CCDC141: variants seen among roughly 807,000 people sequenced by gnomAD.
The protein encoded by CCDC141 is coiled-coil domain containing 141.
In CCDC141, 168 loss-of-function variants were observed where a neutral mutation model predicts 181.0. That is an observed-to-expected ratio of 0.93 (90% CI 0.82 to 1.05). The LOEUF (loss-of-function observed/expected upper bound fraction) is 1.05. Ranked by LOEUF, CCDC141 falls within the 50% of genes least tolerant of loss-of-function variation. The pLI is 0.00. For missense variants in CCDC141, 1,902 were observed against 1,788.5 expected, an observed-to-expected ratio of 1.06 and a Z score of -1.14; for synonymous variants, 666 against 642.3, an observed-to-expected ratio of 1.04 and a Z score of -0.56.
At chr2:178,986,698 G>T (rs1691761891) in intron 2 of CCDC141, among the ~76,000 whole-genome samples, 1 of 151,960 alleles carries the variant, frequency 6.6e-6, no homozygotes, top group Middle Eastern at 3.4e-3. Flanking sequence ...GCCAAATCAT[G>T]AGTGAACTCC....
chr2:178,945,220 G>A (rs1440056602), intron 5 of CCDC141, among the ~76,000 whole-genome samples: 2 of 152,122 alleles, frequency 1.3e-5, no homozygotes, highest in African/African-American at 4.8e-5. Flanking sequence ...CAAAGGACTT[G>A]AAATAATCTG....
In CCDC141 at chr2:178,885,000, A is replaced by G. The variant is rs1427083566; in HGVS notation, c.1620T>C (p.Ala540=). 3 of 1,550,342 alleles carry G rather than the reference A, an allele frequency of 1.9e-6. No individual in the cohort carries two copies. Among genetic ancestry groups the G allele is most frequent in the African/African-American group, 2.7e-5 (2 of 73,038 alleles). ...SDEMVSLSSK[A]RWLAEELNLF... The stretch of plus-strand genomic sequence containing the variant: ...GGTTTAATTCTTCTGCTAGCCATCT[A>G]GCTTTAGAGGAAAGTGATACCATTT... The change falls in exon 11 of 24, where the codon GCT becomes GCC. Residue 540 remains alanine, a synonymous_variant. Coordinates refer to ENST00000443758, the MANE Select transcript of CCDC141 (RefSeq NM_173648.4).
At position 178,905,477 on chromosome 2, in the gene CCDC141, C is replaced by T; in HGVS notation, c.1117G>A (p.Glu373Lys). 3 of 1,549,520 alleles carry T rather than the reference C, an allele frequency of 1.9e-6. No individual in the cohort carries two copies. Among genetic ancestry groups the T allele is most frequent in the African/African-American group, 2.7e-5 (2 of 73,088 alleles). ...GATTTAAGGAGCTTAAGGTAAGCTT[C>T]AACTCTTCCAAGTACATCAAATGCC... ...NKAFDVLGRV[E>K]AYLKLLKSEG... Residue 373 changes from glutamate (E) to lysine (K), a missense_variant, in exon 8 of 24, where the codon GAA (glutamate) becomes AAA (lysine). Transcript: ENST00000443758.
Position 178,923,308 on chromosome 2 carries a change from T to G in CCDC141, c.898-4401A>C, listed in dbSNP as rs372464228. ...TTTAGTAGAGACGGGGTTTCACCAT[T>G]TTAGCCGGGATGGTCTCGATCTCCT... On this transcript the variant is annotated intron_variant, in intron 6 of 23. Transcript: ENST00000443758. Among the ~76,000 whole-genome samples, 115 of 151,696 alleles carry G rather than the reference T, an allele frequency of 7.6e-4. 1 individual carries two copies. Among genetic ancestry groups the G allele is most frequent in the African/African-American group, 2.5e-3 (102 of 41,344 alleles).
At chr2:178,822,158 C>CA in the CCDC141 span, among the ~76,000 whole-genome samples, 1 of 149,658 alleles carries the variant, frequency 6.7e-6, no homozygotes, top group Non-Finnish European at 1.5e-5. Context: ...ATCGCAAGGA[C>CA]AAAAAACCAA....
chr2:178,841,899 CT>C (rs1157536321), intron 22 of CCDC141, among the ~76,000 whole-genome samples: 6 of 152,202 alleles, frequency 3.9e-5, no homozygotes, highest in Non-Finnish European at 8.8e-5. Context: ...TCCCAAAGTG[CT>C]GGGGTTACAG....
intron 6 of CCDC141, among the ~76,000 whole-genome samples, chr2:178,923,522 C>G (rs1176810076): frequency 1.3e-5 from 2 of 152,202 alleles, no homozygotes; most frequent in Admixed American, 6.5e-5. Context: ...AAATCTCGTT[C>G]TGTTTTCTCT....
At position 179,030,144 on chromosome 2, in the gene CCDC141, G is replaced by A. The variant is rs770908049; in HGVS notation, c.225+17140C>T. ...CCCTTTGCTTGTTATTCAGAACTTA[G>A]GCTGTCATCTACAACCACAAATGAA... On this transcript the variant is annotated intron_variant, in intron 2 of 23. Transcript: ENST00000443758. 1.9e-4 allele frequency among the ~76,000 whole-genome samples: 29 copies of A among 151,844 alleles called. 1 individual carries two copies. Among genetic ancestry groups the A allele is most frequent in the Admixed American group, 1.3e-4 (2 of 15,234 alleles).
chr2:178,818,362 G>A, the CCDC141 span, among the ~76,000 whole-genome samples: 2 of 152,126 alleles, frequency 1.3e-5, no homozygotes, highest in Non-Finnish European at 2.9e-5. Context: ...GTGGTTTGCT[G>A]CACCTATTAA....
chr2:178,848,724 A>T (rs1685040991), intron 21 of CCDC141, among the ~76,000 whole-genome samples: 1 of 152,140 alleles, frequency 6.6e-6, no homozygotes, highest in Non-Finnish European at 1.5e-5. Context: ...GGAAGCACTG[A>T]TTTTCGGCCT....
chr2:179,016,244 G>A (rs2042538255), intron 2 of CCDC141, among the ~76,000 whole-genome samples: 2 of 151,806 alleles, frequency 1.3e-5, no homozygotes, highest in Admixed American at 6.6e-5. Context: ...ATGATGCGGT[G>A]TATACTGCTC....
rs139787310 is a variant in CCDC141, at chr2:178,946,609, C to A, written c.781-1958G>T. On this transcript the variant is annotated intron_variant, in intron 5 of 23. Coordinates refer to ENST00000443758, the MANE Select transcript of CCDC141 (RefSeq NM_173648.4). The stretch of plus-strand genomic sequence containing the variant: ...TGGGTACAAACAGGTGTTCTCTAAT[C>A]TCTAAAAACAGGTGAGAAGCCTGGA... Among the ~76,000 whole-genome samples, 285 of 152,248 alleles carry A rather than the reference C, an allele frequency of 1.9e-3. 2 individuals carry two copies. The highest frequency in any genetic ancestry group is 6.6e-3 in the African/African-American group (276 of 41,528).
intron 4 of CCDC141, among the ~76,000 whole-genome samples, chr2:178,970,926 A>G (rs1019426079): frequency 1.3e-5 from 2 of 152,192 alleles, no homozygotes; most frequent in African/African-American, 4.8e-5. Flanking sequence ...TTACAAGACA[A>G]AGGCCGGGCA....
intron 7 of CCDC141, among the ~76,000 whole-genome samples, chr2:178,906,750 T>C (rs1160760813): frequency 6.6e-6 from 1 of 151,984 alleles, no homozygotes; most frequent in East Asian, 1.9e-4. Flanking sequence ...TGAGAACAGG[T>C]GGGCTCATGA....
At chr2:178,967,256 C>T (rs1690680708) in intron 4 of CCDC141, among the ~76,000 whole-genome samples, 1 of 152,092 alleles carries the variant, frequency 6.6e-6, no homozygotes, top group Non-Finnish European at 1.5e-5. Flanking sequence ...CAGAGAACAC[C>T]ACAAAGATAT....
At chr2:179,017,402 G>T (rs747446470) in intron 2 of CCDC141, among the ~76,000 whole-genome samples, 8 of 152,064 alleles carry the variant, frequency 5.3e-5, no homozygotes, top group Non-Finnish European at 1.2e-4. Context: ...TCTGGGGTGG[G>T]TGATAGCCCT....
chr2:178,975,777 A>T (rs919918751), intron 3 of CCDC141, among the ~76,000 whole-genome samples: 4 of 152,192 alleles, frequency 2.6e-5, no homozygotes, highest in Non-Finnish European at 4.4e-5. Context: ...AAAAATACAC[A>T]CCAAATGGTG....
At chr2:178,980,399 G>A (rs1221036176) in intron 2 of CCDC141, among the ~76,000 whole-genome samples, 1 of 152,034 alleles carries the variant, frequency 6.6e-6, no homozygotes, top group Non-Finnish European at 1.5e-5. Flanking sequence ...GCAGTGAGCT[G>A]AGATCGTGCC....
At chr2:178,856,048 C>G (rs535018889) in intron 18 of CCDC141, among the ~76,000 whole-genome samples, 1 of 152,282 alleles carries the variant, frequency 6.6e-6, no homozygotes, top group East Asian at 1.9e-4. Flanking sequence ...AGAAACCATT[C>G]TGGATCTGCC....
Sources: gnomAD v4.1 joint callset for allele counts (sites outside exome capture counted in the v4.1 genomes callset) on GRCh38, gnomAD v4.1.1 for gene constraint, MANE v1.5 for transcripts, NCBI Gene and HGNC (gene_info 2026-07-23, HGNC 2026-07-21) for gene names.